Variants in ABCA13 observed in about 807,000 individuals in gnomAD.
ABCA13 encodes the protein ATP-binding cassette sub-family A member 13.
Under a neutral mutation model 478.7 loss-of-function variants are expected in ABCA13, and 476 were observed. The observed-to-expected ratio is 0.99, with a 90% CI of 0.92 to 1.07. The LOEUF (loss-of-function observed/expected upper bound fraction) is 1.07. Among genes scored for constraint, ABCA13 ranks in the 50% least tolerant of loss-of-function variants. The pLI is 0.00. For missense variants in ABCA13, 6,060 were observed against 5,910.6 expected, an observed-to-expected ratio of 1.03 and a Z score of -0.83; for synonymous variants, 2,252 against 2,158.9, an observed-to-expected ratio of 1.04 and a Z score of -1.20.
intron 55 of ABCA13, among the ~76,000 whole-genome samples, chr7:48,563,807 T>TGTGG (rs1356832178): frequency 8.8e-6 from 1 of 113,812 alleles, no homozygotes; most frequent in East Asian, 2.8e-4. Flanking sequence ...TGTGTGTGTG[T>TGTGG]GTGTGTGTGT....
At chr7:48,538,129 CT>C (rs1413416300) in intron 55 of ABCA13, among the ~76,000 whole-genome samples, 1 of 106,136 alleles carries the variant, frequency 9.4e-6, no homozygotes, top group Non-Finnish European at 1.7e-5. Flanking sequence ...GAGGTGGAGT[CT>C]TGCTCTAGCA....
intron 1 of ABCA13, among the ~76,000 whole-genome samples, chr7:48,187,017 G>GTATATA (rs767585452): frequency 0.015 from 2,016 of 135,308 alleles, 33 homozygotes; most frequent in African/African-American, 0.034. Context: ...ATATGTGTGT[G>GTATATA]TGTATATATA....
At chr7:48,439,595 A>C (rs578066411) in intron 42 of ABCA13, among the ~76,000 whole-genome samples, 2 of 152,148 alleles carry the variant, frequency 1.3e-5, no homozygotes, top group East Asian at 3.9e-4. Context: ...AGATAAGCAA[A>C]AAATACATTT....
chr7:48,290,423 C>T (rs1305204980), intron 20 of ABCA13, among the ~76,000 whole-genome samples: 2 of 152,066 alleles, frequency 1.3e-5, no homozygotes, highest in Non-Finnish European at 2.9e-5. Context: ...GTGGTTTTAC[C>T]TGATCCCAAA....
chr7:48,413,567 G>A (rs986879840), intron 41 of ABCA13, among the ~76,000 whole-genome samples: 1 of 151,998 alleles, frequency 6.6e-6, no homozygotes, highest in African/African-American at 2.4e-5. Context: ...AAAATGTCAC[G>A]GGTTTTCAAA....
At chr7:48,228,388 T>G (rs1166192944) in intron 6 of ABCA13, among the ~76,000 whole-genome samples, 1 of 152,204 alleles carries the variant, frequency 6.6e-6, no homozygotes, top group African/African-American at 2.4e-5. Flanking sequence ...GCCTCTTTTC[T>G]GGCCCCTCCT....
Position 48,352,459 on chromosome 7 carries a change from G to T in ABCA13, c.10660G>T (p.Ala3554Ser), listed in dbSNP as rs940442411. Residue 3554 changes from alanine (A) to serine (S), a missense_variant, in exon 31 of 62, where the codon GCC becomes TCC. Physicochemically the swap from Ala to Ser is moderately conservative, Grantham distance 99 (BLOSUM62 1). Transcript: ENST00000435803. The part of the protein sequence containing the change: ...ALEPAAQTQA[A>S]PYPCHTSDLF... The stretch of plus-strand genomic sequence containing the variant: ...GGAACCAGCAGCACAGACTCAGGCG[G>T]CCCCTTACCCCTGCCATACCAGCGA... 1 of 1,609,408 alleles carries T rather than the reference G, an allele frequency of 6.2e-7. No homozygotes were observed. Among genetic ancestry groups the T allele is most frequent in the Non-Finnish European group, 8.5e-7 (1 of 1,177,450 alleles).
At chr7:48,408,843 G>A (rs995150799) in intron 39 of ABCA13, among the ~76,000 whole-genome samples, 1 of 151,918 alleles carries the variant, frequency 6.6e-6, no homozygotes, top group African/African-American at 2.4e-5. Flanking sequence ...TCTCCCTCCC[G>A]GCTCCCTCCA....
At chr7:48,315,842 AT>A (rs949569604) in intron 26 of ABCA13, among the ~76,000 whole-genome samples, 15 of 152,272 alleles carry the variant, frequency 9.9e-5, no homozygotes, top group Middle Eastern at 3.4e-3. Context: ...TTGTCAAATA[AT>A]TTTTTTCCTT....
Position 48,279,497 on chromosome 7 carries a change from C to A in ABCA13, c.8303C>A (p.Pro2768Gln). 6.2e-7 allele frequency: 1 copy of A among 1,612,854 alleles called. No homozygotes were observed. The highest frequency in any genetic ancestry group is 8.5e-7 in the Non-Finnish European group (1 of 1,179,382). ...GTGTTGATGACATTTACTCAGCATCCAAATAACCTTTTGAAAACCATAGAA... is the reference window on the plus strand; with the variant it reads ...GTGTTGATGACATTTACTCAGCATCAAAATAACCTTTTGAAAACCATAGAA... ...SNVLMTFTQH[P>Q]NNLLKTIETV... Residue 2768 changes from proline to glutamine, a missense_variant, in exon 18 of 62, where the codon CCA becomes CAA. Pro to Gln is a moderately conservative substitution (Grantham distance 76, BLOSUM62 -1). Around this residue, in one of 3 missense-constraint regions of ABCA13, gnomAD observed 4,423 missense variants for 4,309.1 expected, o/e 1.03. Transcript: ENST00000435803.
chr7:48,443,323 T>C (rs1028648477), intron 42 of ABCA13, among the ~76,000 whole-genome samples: 3 of 152,150 alleles, frequency 2.0e-5, no homozygotes, highest in Non-Finnish European at 4.4e-5. Context: ...GGCTGGTTGA[T>C]TCCTCAGGCC....
At chr7:48,465,770 G>T (rs1826810068) in intron 43 of ABCA13, among the ~76,000 whole-genome samples, 1 of 151,730 alleles carries the variant, frequency 6.6e-6, no homozygotes, top group African/African-American at 2.4e-5. Flanking sequence ...CTGTGCTATC[G>T]AACACTAGTA....
intron 42 of ABCA13, among the ~76,000 whole-genome samples, chr7:48,435,715 T>C (rs1257578947): frequency 6.6e-6 from 1 of 151,786 alleles, no homozygotes; most frequent in East Asian, 1.9e-4. Flanking sequence ...TTAAGTGTTT[T>C]TATCATAACA....
At chr7:48,580,752 T>G (rs1011108085) in intron 56 of ABCA13, among the ~76,000 whole-genome samples, 6 of 152,146 alleles carry the variant, frequency 3.9e-5, no homozygotes, top group African/African-American at 1.4e-4. Context: ...CTTGTGAAAG[T>G]GTGGGCACAA....
intron 45 of ABCA13, among the ~76,000 whole-genome samples, chr7:48,472,952 A>T (rs533350687): frequency 4.0e-4 from 61 of 152,312 alleles, no homozygotes; most frequent in Admixed American, 9.2e-4. Context: ...AAAGAGGTTT[A>T]TTGGACTTAC....
intron 59 of ABCA13, 102 bp downstream of exon 59, chr7:48,615,479 A>G (rs1339916556): frequency 9.9e-7 from 1 of 1,005,878 alleles, no homozygotes; most frequent in East Asian, 2.9e-5. Context: ...TGTTCCAATT[A>G]CCTGCTGGCA....
In ABCA13 at chr7:48,268,985, C is replaced by CCTGAGGAAT. The variant is rs1795241630; in HGVS notation, c.2014_2022dup (p.Glu672_Ser674dup). On this transcript the variant is annotated inframe_insertion, in exon 16 of 62. Coordinates refer to ENST00000435803, the MANE Select transcript of ABCA13 (RefSeq NM_152701.5). ...GAAAATGTCTTTTTATTTAGCTTTT[C>CCTGAGGAAT]CTGAGGAATCTCCTTGTTTTGAAGA... is the stretch of plus-strand genomic sequence containing the variant. The CCTGAGGAAT allele has an allele frequency of 6.5e-7, 1 of 1,542,388 alleles. No homozygotes were observed. Among genetic ancestry groups the CCTGAGGAAT allele is most frequent in the Non-Finnish European group, 8.9e-7 (1 of 1,123,004 alleles).
In ABCA13 at chr7:48,279,962, C is replaced by A. The variant is rs895723375; in HGVS notation, c.8726+42C>A. The stretch of plus-strand genomic sequence containing the variant: ...ATTCACTTTGTTTTTTTCTCTACCG[C>A]AGTAGCTATAAAATAGAACCATGCA... On this transcript the variant is annotated intron_variant, in intron 18 of 61. Coordinates refer to ENST00000435803, the MANE Select transcript of ABCA13 (RefSeq NM_152701.5). The A allele has an allele frequency of 2.0e-6, 3 of 1,481,458 alleles. No homozygotes were observed. The African/African-American group carries it at 4.2e-5, about 21-fold the overall frequency. The allele number at this position is 1,481,458 out of a possible 1,614,324, so 91.8% of individuals were successfully genotyped here. A position where few individuals can be genotyped will look rare whatever the true frequency, so the allele number is the denominator to read the frequency against.
At chr7:48,611,302 T>C (rs1182162394) in intron 58 of ABCA13, among the ~76,000 whole-genome samples, 1 of 152,160 alleles carries the variant, frequency 6.6e-6, no homozygotes, top group Non-Finnish European at 1.5e-5. Context: ...AGTTCCAAAC[T>C]CCCTTATTTT....
Sources: allele counts gnomAD v4.1 joint callset (sites outside exome capture counted in the v4.1 genomes callset), GRCh38; gene constraint gnomAD v4.1.1; regional missense constraint gnomAD v4.1.1; transcripts MANE v1.5; gene names NCBI Gene and HGNC (gene_info 2026-07-23, HGNC 2026-07-21).